C1orf87: variants seen among roughly 807,000 people sequenced by gnomAD.
C1orf87 encodes uncharacterized protein C1orf87.
C1orf87 carries 58 observed loss-of-function variants against 60.5 expected under a neutral mutation model. The observed-to-expected ratio is 0.96, with a 90% CI of 0.78 to 1.19. C1orf87 has a LOEUF of 1.19. C1orf87 is among the 50% of genes most tolerant of loss of function. The probability of loss-of-function intolerance (pLI) is 0.00; values close to 1 mark genes in which losing one functional copy is unlikely to be tolerated. For missense variants in C1orf87, 673 were observed against 638.6 expected (o/e 1.05, Z -0.58); for synonymous variants, 236 against 227.4 (o/e 1.04, Z -0.34).
In C1orf87 at chr1:60,055,234, C is replaced by T. The variant is rs761194423; in HGVS notation, c.312G>A (p.Gly104=). The change falls in exon 3 of 12, where the codon GGG becomes GGA. Residue 104 remains glycine (G), a synonymous_variant. Coordinates refer to ENST00000371201, the MANE Select transcript of C1orf87 (RefSeq NM_152377.3). ...CATCCAGGAATCTGCTACTGTTTGC[C>T]CCTGTTAGTAGTTTCTGGTTGTTTT... is the stretch of plus-strand genomic sequence containing the variant. ...KSENNQKLLT[G]ANSSRFLDGN... The T allele has an allele frequency of 6.2e-6, 10 of 1,613,922 alleles. No homozygotes were observed. Among genetic ancestry groups the T allele is most frequent in the Non-Finnish European group, 8.5e-6 (10 of 1,179,936 alleles).
At chr1:60,033,764 G>GC in intron 6 of C1orf87, 123 bp from the exon 7 acceptor site, 1 of 1,078,730 alleles carries the variant, frequency 9.3e-7, no homozygotes, top group Admixed American at 2.6e-5. Context: ...ATCTACGTAG[G>GC]CCCTCTCAGT....
At chr1:60,003,388 G>T (rs1000807590) in intron 9 of C1orf87, among the ~76,000 whole-genome samples, 1 of 151,974 alleles carries the variant, frequency 6.6e-6, no homozygotes, top group African/African-American at 2.4e-5. Flanking sequence ...GAGTTAGTGG[G>T]TGCAGCGCAC....
chr1:60,054,001 A>G (rs555089412), intron 3 of C1orf87, among the ~76,000 whole-genome samples: 2 of 152,330 alleles, frequency 1.3e-5, no homozygotes, highest in Admixed American at 1.3e-4. Flanking sequence ...TATAACCATA[A>G]TATTATTACC....
intron 3 of C1orf87, among the ~76,000 whole-genome samples, chr1:60,049,373 T>C (rs1313542258): frequency 1.3e-5 from 2 of 152,134 alleles, no homozygotes; most frequent in African/African-American, 4.8e-5. Flanking sequence ...CATCTTTTGA[T>C]ATATTTAAGG....
intron 3 of C1orf87, among the ~76,000 whole-genome samples, chr1:60,044,229 A>G (rs1400473160): frequency 6.6e-6 from 1 of 151,968 alleles, no homozygotes; most frequent in Non-Finnish European, 1.5e-5. Context: ...ACGGGGTTTC[A>G]CCGTGTTAGC....
intron 6 of C1orf87, among the ~76,000 whole-genome samples, chr1:60,036,531 G>A (rs1210963540): frequency 1.3e-5 from 2 of 152,054 alleles, no homozygotes; most frequent in Admixed American, 1.3e-4. Flanking sequence ...ACTGATTTTT[G>A]GAACTTTGCA....
chr1:60,009,014 T>C (rs1645065071), intron 9 of C1orf87, among the ~76,000 whole-genome samples: 1 of 151,978 alleles, frequency 6.6e-6, no homozygotes, highest in African/African-American at 2.4e-5. Context: ...AATGTCTGGA[T>C]TACCTCCCTG....
Position 60,072,595 on chromosome 1 carries a change from T to C in C1orf87, c.49A>G (p.Ile17Val), listed in dbSNP as rs772278482. The change falls in exon 2 of 12, where the codon ATC becomes GTC. Residue 17 changes from isoleucine to valine, a missense_variant. Ile to Val is a conservative substitution (Grantham distance 29). Transcript: ENST00000371201. ...TPRGSDAMPE[I>V]MVKIIGSKHF... ...TTACTTCCAATGATTTTCACCATGA[T>C]CTCAGGCATTGCATCTGATCCACGG... The C allele has an allele frequency of 2.5e-6, 4 of 1,613,302 alleles. No homozygotes were observed. The highest frequency in any genetic ancestry group is 3.4e-6 in the Non-Finnish European group (4 of 1,179,928).
At chr1:60,016,661 C>T (rs1330297080) in intron 8 of C1orf87, among the ~76,000 whole-genome samples, 1 of 152,202 alleles carries the variant, frequency 6.6e-6, no homozygotes, top group Admixed American at 6.5e-5. Context: ...AGCTAGGACT[C>T]ATGCTGGGTT....
intron 4 of C1orf87, 118 bp from the exon 5 acceptor site, chr1:60,040,298 T>G: frequency 7.7e-7 from 1 of 1,297,330 alleles, no homozygotes; most frequent in Non-Finnish European, 1.1e-6. Flanking sequence ...AGTCCTGGCC[T>G]GGAGCAGGAC....
At chr1:59,991,056 A>G (rs1345928254) in intron 11 of C1orf87, among the ~76,000 whole-genome samples, 1 of 152,212 alleles carries the variant, frequency 6.6e-6, no homozygotes, top group Non-Finnish European at 1.5e-5. Flanking sequence ...GGGAAAGAGA[A>G]CAAGATGGGA....
At chr1:60,045,248 C>G (rs1645357888) in intron 3 of C1orf87, among the ~76,000 whole-genome samples, 1 of 151,506 alleles carries the variant, frequency 6.6e-6, no homozygotes, top group Non-Finnish European at 1.5e-5. Flanking sequence ...CAAAAATGGG[C>G]AGTAGTGATA....
chr1:60,030,200 G>A (rs1350243964), intron 7 of C1orf87, among the ~76,000 whole-genome samples: 1 of 152,170 alleles, frequency 6.6e-6, no homozygotes, highest in Non-Finnish European at 1.5e-5. Flanking sequence ...AACATATTGA[G>A]TGATTATTAT....
intron 8 of C1orf87, among the ~76,000 whole-genome samples, chr1:60,019,443 A>G (rs561800112): frequency 6.6e-6 from 1 of 152,342 alleles, no homozygotes; most frequent in South Asian, 2.1e-4. Context: ...ACAGCAGTGT[A>G]AAAACAGACT....
intron 8 of C1orf87, among the ~76,000 whole-genome samples, chr1:60,016,515 A>G (rs1318773579): frequency 2.0e-5 from 3 of 152,186 alleles, no homozygotes; most frequent in Admixed American, 2.0e-4. Flanking sequence ...CCCTTCCCTG[A>G]TATAGAGGCA....
intron 2 of C1orf87, among the ~76,000 whole-genome samples, chr1:60,070,059 G>A (rs1276161309): frequency 1.3e-5 from 2 of 152,118 alleles, no homozygotes; most frequent in Non-Finnish European, 2.9e-5. Context: ...ACCTTCATAG[G>A]GATCACAGCT....
At chr1:60,009,466 C>T (rs949091884) in intron 9 of C1orf87, among the ~76,000 whole-genome samples, 6 of 152,034 alleles carry the variant, frequency 3.9e-5, no homozygotes, top group Admixed American at 6.6e-5. Context: ...TTTTGTATGG[C>T]AGCCCTGGGA....
At chr1:60,031,021 AT>A (rs916573549) in intron 7 of C1orf87, among the ~76,000 whole-genome samples, 73 of 150,930 alleles carry the variant, frequency 4.8e-4, no homozygotes, top group Middle Eastern at 6.8e-3. Flanking sequence ...GTGCTTTTAA[AT>A]TTTTTTTTTA....
chr1:60,004,929 C>CTTTTTTTTTTTTTTTTTTTTTTTTTTTTT, intron 9 of C1orf87, among the ~76,000 whole-genome samples: 1 of 151,744 alleles, frequency 6.6e-6, no homozygotes, highest in East Asian at 2.0e-4. Flanking sequence ...ACCTGGGCAG[C>CTTTTTTTTTTTTTTTTTTTTTTTTTTTTT]TTTAAAAATT....
Sources: gnomAD v4.1 joint callset for allele counts (sites outside exome capture counted in the v4.1 genomes callset) on GRCh38, gnomAD v4.1.1 for gene constraint, MANE v1.5 for transcripts, NCBI Gene and HGNC (gene_info 2026-07-23, HGNC 2026-07-21) for gene names.